The following ATG4A variants were observed in gnomAD, a reference collection of about 807,000 sequenced individuals.
The protein encoded by ATG4A is cysteine protease ATG4A.
Under a neutral mutation model 38.4 loss-of-function variants are expected in ATG4A, and 22 were observed. The ratio of observed to expected loss-of-function variants is 0.57; its 90% CI spans 0.41 to 0.82. The LOEUF (loss-of-function observed/expected upper bound fraction) is 0.82, where lower values mean the gene tolerates loss of function less well. Ranked by LOEUF, ATG4A falls within the 40% of genes least tolerant of loss-of-function variation. ATG4A has a pLI of 0.00. For synonymous variants in ATG4A, 86 were observed against 100.7 expected (o/e 0.85, Z 0.88); for missense variants, 220 against 290.0 (o/e 0.76, Z 1.75).
intron 1 of ATG4A, among the ~76,000 whole-genome samples, chrX:108,111,303 TG>T (rs1052652646): frequency 1.8e-5 from 2 of 112,488 alleles, no homozygotes; most frequent in African/African-American, 6.5e-5. Flanking sequence ...GAACTATGAT[TG>T]GGGTACTTTT....
chrX:108,109,650 G>A (rs73251785), intron 1 of ATG4A, among the ~76,000 whole-genome samples: 5,994 of 111,826 alleles, frequency 0.054, 135 homozygotes, highest in East Asian at 0.095. Context: ...GTTAATTTTT[G>A]TATATGGTAT....
intron 1 of ATG4A, among the ~76,000 whole-genome samples, chrX:108,092,973 T>A (rs1295781624): frequency 8.9e-6 from 1 of 112,219 alleles, no homozygotes; most frequent in Non-Finnish European, 1.9e-5. Flanking sequence ...TATTTTTATT[T>A]AATTTTTCAA....
upstream of ATG4A, chrX:108,091,768 G>GCGAC (rs2031630499): frequency 8.4e-7 from 1 of 1,193,453 alleles, no homozygotes; most frequent in Admixed American, 2.2e-5. Context: ...AGGGATCCTA[G>GCGAC]CGACCGTCCG....
chrX:108,137,708 G>T (rs201034144), intron 7 of ATG4A, 96 bp from the exon 8 acceptor site: 79 of 881,102 alleles, frequency 9.0e-5, no homozygotes, highest in Non-Finnish European at 1.1e-4. Flanking sequence ...TAGGCAGGGT[G>T]GGGGGCATGT....
intron 4 of ATG4A, 129 bp from the exon 5 acceptor site, chrX:108,133,928 A>C (rs940260390): frequency 1.6e-4 from 74 of 475,112 alleles, no homozygotes; most frequent in Non-Finnish European, 8.1e-5. Flanking sequence ...GAAATGTTCT[A>C]ACTTGGTCAT....
Position 108,137,786 on chromosome X carries a change from C to T in ATG4A, c.548-18C>T. The stretch of plus-strand genomic sequence containing the variant: ...GAAGACTCCTTACTTATCCAATATT[C>T]TGTTCTTCCATTTCTAGAAAAAATG... On this transcript the variant is annotated intron_variant, in intron 7 of 12. Coordinates refer to ENST00000372232, the MANE Select transcript of ATG4A (RefSeq NM_052936.5). 1.7e-6 allele frequency: 2 copies of T among 1,143,613 alleles called. No individual in the cohort carries two copies. The highest frequency in any genetic ancestry group is 1.2e-6 in the Non-Finnish European group (1 of 862,799). The allele number at this position is 1,143,613 out of a possible 1,213,427, so 94.2% of individuals were successfully genotyped here.
chrX:108,152,952 T>A, intron 11 of ATG4A, 27 bp from the exon 12 acceptor site: 1 of 1,104,770 alleles, frequency 9.1e-7, no homozygotes. Flanking sequence ...CTCTGAAGTA[T>A]TTAAAACTGT....
At position 108,137,157 on chromosome X, in the gene ATG4A, C is replaced by T; in HGVS notation, c.534C>T (p.Val178=). The T allele has an allele frequency of 1.7e-6, 2 of 1,204,148 alleles. No individual in the cohort carries two copies. Among genetic ancestry groups the T allele is most frequent in the Non-Finnish European group, 2.2e-6 (2 of 890,543 alleles). ...ATGTTTCAATGGATAACACAGTGGT[C>T]ATTGAAGATATCAGTGAGTTACCAG... ...AVYVSMDNTV[V]IEDIKKMCRV... Residue 178 remains valine, a synonymous_variant, in exon 7 of 13, where the codon GTC becomes GTT. Coordinates refer to ENST00000372232, the MANE Select transcript of ATG4A (RefSeq NM_052936.5).
At chrX:108,096,081 A>T (rs1249912000) in intron 1 of ATG4A, among the ~76,000 whole-genome samples, 2 of 112,368 alleles carry the variant, frequency 1.8e-5, no homozygotes, top group African/African-American at 6.5e-5. Flanking sequence ...AGTGGGTATA[A>T]AGTGGTATTT....
At chrX:108,090,691 A>AC (rs772883201), upstream of ATG4A, among the ~76,000 whole-genome samples, 1 of 112,244 alleles carries the variant, frequency 8.9e-6, no homozygotes, top group African/African-American at 3.2e-5. Flanking sequence ...TACTAAAGGC[A>AC]CCATGAATCC....
intron 9 of ATG4A, among the ~76,000 whole-genome samples, chrX:108,147,992 A>T (rs1241034551): frequency 1.1e-5 from 1 of 88,447 alleles, no homozygotes; most frequent in African/African-American, 4.0e-5. Context: ...ATCAGTCAGG[A>T]TTCTCTAGAG....
At chrX:108,151,766 G>A (rs371751287) in intron 10 of ATG4A, 36 bp from the exon 11 acceptor site, 73 of 1,190,887 alleles carry the variant, frequency 6.1e-5, no homozygotes, top group Non-Finnish European at 8.3e-5. Context: ...AATACCAAAG[G>A]TAATTCTAAG....
At chrX:108,129,870 CT>C (rs775581997) in intron 3 of ATG4A, among the ~76,000 whole-genome samples, 5,074 of 94,890 alleles carry the variant, frequency 0.053, 118 homozygotes, top group East Asian at 0.082. Flanking sequence ...GCTCCCGGCC[CT>C]TTTTTTTTTT....
intron 1 of ATG4A, among the ~76,000 whole-genome samples, chrX:108,102,380 T>C (rs2032039888): frequency 8.9e-6 from 1 of 111,805 alleles, no homozygotes; most frequent in African/African-American, 3.3e-5. Context: ...TCTATTCAAG[T>C]TCTTTGTTCA....
At chrX:108,112,868 A>ATG (rs908759023) in intron 1 of ATG4A, among the ~76,000 whole-genome samples, 3 of 109,899 alleles carry the variant, frequency 2.7e-5, no homozygotes, top group South Asian at 3.9e-4. Flanking sequence ...TAGTCTGTGT[A>ATG]TGTGTGTGTG....
intron 1 of ATG4A, among the ~76,000 whole-genome samples, chrX:108,113,480 G>A (rs1382623440): frequency 2.7e-5 from 3 of 111,474 alleles, no homozygotes; most frequent in Non-Finnish European, 5.7e-5. Flanking sequence ...GGATGGCAGA[G>A]GGTAGAAAGG....
At chrX:108,153,143 A>T in intron 12 of ATG4A, 56 bp downstream of exon 12, 1 of 877,452 alleles carries the variant, frequency 1.1e-6, no homozygotes, top group South Asian at 2.1e-5. Context: ...CAGTTGTTTT[A>T]TGAGAAAGAA....
chrX:108,137,815 C>G lies in ATG4A; in HGVS notation c.559C>G (p.Arg187Gly), dbSNP rs140831275. 1 of 1,158,953 alleles carries G rather than the reference C, an allele frequency of 8.6e-7. No individual in the cohort carries two copies. Among genetic ancestry groups the G allele is most frequent in the African/African-American group, 1.8e-5 (1 of 55,573 alleles). Residue 187 changes from arginine to glycine, a missense_variant, in exon 8 of 13, where the codon CGT (arginine) becomes GGT (glycine). By Grantham distance (125) the Arg-to-Gly change is moderately radical. This residue lies in a region of ATG4A where 159 missense variants were observed against 188.9 expected (regional missense o/e 0.84). Coordinates refer to ENST00000372232, the MANE Select transcript of ATG4A (RefSeq NM_052936.5). ...VVIEDIKKMC[R>G]VLPLSADTAG... ...TCTTCCATTTCTAGAAAAAATGTGC[C>G]GTGTCCTTCCCTTGAGTGCTGACAC...
At chrX:108,095,664 C>T (rs1377155152) in intron 1 of ATG4A, among the ~76,000 whole-genome samples, 2 of 109,307 alleles carry the variant, frequency 1.8e-5, no homozygotes, top group Non-Finnish European at 3.8e-5. Context: ...CAGCAATGTT[C>T]GAGGGTTCAG....
Sources: allele counts gnomAD v4.1 joint callset (sites outside exome capture counted in the v4.1 genomes callset), GRCh38; gene constraint gnomAD v4.1.1; regional missense constraint gnomAD v4.1.1; transcripts MANE v1.5; gene names NCBI Gene and HGNC (gene_info 2026-07-23, HGNC 2026-07-21).